PTPN1: variants seen among roughly 807,000 people sequenced by gnomAD.
PTPN1 encodes tyrosine-protein phosphatase non-receptor type 1.
In PTPN1, 12 loss-of-function variants were observed where a neutral mutation model predicts 59.9. That is an observed-to-expected ratio of 0.20 (90% CI 0.13 to 0.32). PTPN1 has a LOEUF of 0.32. PTPN1 is among the 10% of genes least tolerant of loss of function. PTPN1 has a pLI of 1.00. For synonymous variants in PTPN1, 178 were observed against 203.6 expected, an observed-to-expected ratio of 0.87 and a Z score of 1.07; for missense variants, 356 against 549.2, an observed-to-expected ratio of 0.65 and a Z score of 3.52.
chr20:50,523,378 A>AATTGAATTCTGAG (rs2082559672), intron 1 of PTPN1, among the ~76,000 whole-genome samples: 1 of 152,214 alleles, frequency 6.6e-6, no homozygotes, highest in Non-Finnish European at 1.5e-5. Flanking sequence ...TCCCAAAAGG[A>AATTGAATTCTGAG]CAAAACCAGC....
At chr20:50,581,189 C>G (rs1230466287) in intron 8 of PTPN1, 76 bp from the exon 9 acceptor site, 69 of 1,504,220 alleles carry the variant, frequency 4.6e-5, no homozygotes, top group Middle Eastern at 3.6e-4. Context: ...TCCTAGAATT[C>G]CTGCCACAAT....
intron 1 of PTPN1, among the ~76,000 whole-genome samples, chr20:50,551,010 A>G (rs1443223407): frequency 6.6e-6 from 1 of 152,280 alleles, no homozygotes; most frequent in Non-Finnish European, 1.5e-5. Context: ...CAGGAGAAAT[A>G]GAAATCTCTA....
intron 1 of PTPN1, among the ~76,000 whole-genome samples, chr20:50,552,688 AT>A (rs35970690): frequency 0.74 from 107,601 of 145,198 alleles, 39,623 homozygotes; most frequent in East Asian, 0.89. Context: ...GAAAAAAAAA[AT>A]TTTTTTTTTT....
intron 1 of PTPN1, among the ~76,000 whole-genome samples, chr20:50,521,787 CCT>C (rs1373413003): frequency 1.3e-5 from 2 of 152,292 alleles, no homozygotes; most frequent in African/African-American, 4.8e-5. Context: ...TGGATTCTGG[CCT>C]CTCTTGAAAA....
At chr20:50,555,441 G>T (rs2082722016) in intron 1 of PTPN1, among the ~76,000 whole-genome samples, 1 of 152,074 alleles carries the variant, frequency 6.6e-6, no homozygotes, top group Non-Finnish European at 1.5e-5. Flanking sequence ...AACTTTTTGG[G>T]GTGATGGAAA....
At chr20:50,577,381 G>A (rs939967936) in intron 5 of PTPN1, 4 of 152,220 alleles carry the variant, frequency 2.6e-5, no homozygotes, top group African/African-American at 9.6e-5. Flanking sequence ...CCTGGCACTG[G>A]GCCACAGGGA....
intron 1 of PTPN1, among the ~76,000 whole-genome samples, chr20:50,535,878 C>T (rs1237096868): frequency 6.6e-6 from 1 of 152,012 alleles, no homozygotes; most frequent in Non-Finnish European, 1.5e-5. Context: ...CCGTCCCCCA[C>T]CCCCAAATAG....
In PTPN1 at chr20:50,582,860, A is replaced by G. The variant is rs1302644306; in HGVS notation, c.*145A>G. 2.2e-6 allele frequency: 2 copies of G among 920,384 alleles called. No individual in the cohort carries two copies. The highest frequency in any genetic ancestry group is 3.4e-6 in the Non-Finnish European group (2 of 594,454). 57.0% of individuals were successfully genotyped at this position (920,384 alleles called of 1,614,324 possible). A position where few individuals can be genotyped will look rare whatever the true frequency, so the allele number is the denominator to read the frequency against. On this transcript the variant is annotated 3_prime_UTR_variant, in exon 10 of 10. Coordinates refer to ENST00000371621, the MANE Select transcript of PTPN1 (RefSeq NM_002827.4). The surrounding 1 kb of genome is among the most constrained non-coding windows in gnomAD (Gnocchi z 4.2). ...CGGACGGACGTTGGTTCTGCACTAA[A>G]ACCCATCTTCCCCGGATGTGTGTCT... is the stretch of plus-strand genomic sequence containing the variant.
intron 1 of PTPN1, among the ~76,000 whole-genome samples, chr20:50,560,878 C>T (rs757378167): frequency 1.2e-4 from 18 of 151,956 alleles, no homozygotes; most frequent in Non-Finnish European, 2.4e-4. Context: ...TTACCACCTC[C>T]TAGGAAAGCA....
At chr20:50,571,993 A>G (rs2082812055) in intron 4 of PTPN1, 1 of 152,206 alleles carries the variant, frequency 6.6e-6, no homozygotes, top group South Asian at 2.1e-4. Context: ...CTCTGTGTTA[A>G]GAATTACTTA....
intron 5 of PTPN1, 80 bp downstream of exon 5, chr20:50,574,734 C>A: frequency 6.8e-7 from 1 of 1,476,356 alleles, no homozygotes; most frequent in Non-Finnish European, 9.2e-7. Context: ...GTGATATTAC[C>A]TAATGTCAGT....
At position 50,575,944 on chromosome 20, in the gene PTPN1, A is replaced by T. The variant is rs185818298; in HGVS notation, c.492+1290A>T. On this transcript the variant is annotated intron_variant, in intron 5 of 9. Transcript: ENST00000371621. ...CCTGTCTCAAAAATAAATAAATAAA[A>T]AAAATAGTAGAAGTAAGATCTAGAA... Among the ~76,000 whole-genome samples the T allele has an allele frequency of 7.2e-5, 11 of 152,270 alleles. No individual in the cohort carries two copies. The East Asian group carries it at 7.7e-4, about 11-fold the overall frequency.
chr20:50,579,588 C>T, intron 7 of PTPN1, 115 bp from the exon 8 acceptor site: 1 of 979,090 alleles, frequency 1.0e-6, no homozygotes, highest in Non-Finnish European at 1.6e-6. Context: ...ATGGCTGCAG[C>T]CCTGAGAGGC....
chr20:50,529,956 C>A lies in PTPN1; in HGVS notation c.63+19366C>A, dbSNP rs151229326. 4.5e-4 allele frequency among the ~76,000 whole-genome samples: 68 copies of A among 152,194 alleles called. No individual in the cohort carries two copies. In the East Asian group the frequency reaches 0.012, roughly 28 times the overall value. On this transcript the variant is annotated intron_variant, in intron 1 of 9. Coordinates refer to ENST00000371621, the MANE Select transcript of PTPN1 (RefSeq NM_002827.4). The stretch of plus-strand genomic sequence containing the variant: ...GTGGCTCAATCTCGGCTCAGTGCAA[C>A]CTCCGCCTCCCAGGTTCAAGCGATT...
Position 50,581,459 on chromosome 20 carries a change from G to C in PTPN1, c.1283G>C (p.Arg428Thr), listed in dbSNP as rs1208059231. 1 of 1,598,478 alleles carries C rather than the reference G, an allele frequency of 6.3e-7. No individual in the cohort carries two copies. Among genetic ancestry groups the C allele is most frequent in the East Asian group, 2.2e-5 (1 of 44,458 alleles). Residue 428 changes from arginine to threonine, a missense_variant and splice_region_variant, in exon 9 of 10, where the codon AGG becomes ACG. Arg to Thr is a moderately conservative substitution (Grantham distance 71). Coordinates refer to ENST00000371621, the MANE Select transcript of PTPN1 (RefSeq NM_002827.4). ...ACGGCCGGCGCTTACCTCTGCTACA[G>C]GGTATGTTTCCACTGACAGACGCGC... ...VLTAGAYLCY[R>T]FLFNSNT
Position 50,536,719 on chromosome 20 carries a change from A to G in PTPN1, c.64-24644A>G, listed in dbSNP as rs548607888. 7.2e-5 allele frequency among the ~76,000 whole-genome samples: 11 copies of G among 152,258 alleles called. No individual in the cohort carries two copies. The East Asian group carries it at 1.5e-3, about 21-fold the overall frequency. On this transcript the variant is annotated intron_variant, in intron 1 of 9. Coordinates refer to ENST00000371621, the MANE Select transcript of PTPN1 (RefSeq NM_002827.4). ...TTTTTTAATTTTAAGGATGTTTTTA[A>G]TAACTTAGAATCCTGTAATTTGTTG...
chr20:50,539,098 C>T (rs904950219), intron 1 of PTPN1, among the ~76,000 whole-genome samples: 5 of 144,474 alleles, frequency 3.5e-5, no homozygotes, highest in South Asian at 2.2e-4. Flanking sequence ...TGCAACGGCA[C>T]GATTTCGGCT....
At chr20:50,579,448 C>T in intron 7 of PTPN1, 119 bp downstream of exon 7, 1 of 1,233,392 alleles carries the variant, frequency 8.1e-7, no homozygotes, top group Non-Finnish European at 1.1e-6. Flanking sequence ...AGCTACCCTT[C>T]ATGTTTAAAA....
At chr20:50,518,520 A>G (rs924003532) in intron 1 of PTPN1, among the ~76,000 whole-genome samples, 1 of 152,242 alleles carries the variant, frequency 6.6e-6, no homozygotes, top group Non-Finnish European at 1.5e-5. Context: ...TCACTGAGTC[A>G]TAAATATTTT....
Sources: allele counts gnomAD v4.1 joint callset (sites outside exome capture counted in the v4.1 genomes callset), GRCh38; gene constraint gnomAD v4.1.1; non-coding constraint Gnocchi (gnomAD v3.1); transcripts MANE v1.5; gene names NCBI Gene and HGNC (gene_info 2026-07-23, HGNC 2026-07-21).